Variants in ST18 observed in about 807,000 individuals in gnomAD.
ST18 encodes the protein suppression of tumorigenicity 18 protein.
In ST18, 50 loss-of-function variants were observed where a neutral mutation model predicts 110.0. The observed-to-expected ratio is 0.45, with a 90% CI of 0.36 to 0.58. ST18 has a LOEUF of 0.58. Ranked by LOEUF, ST18 falls within the 20% of genes least tolerant of loss-of-function variation. ST18 has a pLI of 0.00. For synonymous variants in ST18, 461 were observed against 452.4 expected, an observed-to-expected ratio of 1.02 and a Z score of -0.24; for missense variants, 1,306 against 1,280.1, an observed-to-expected ratio of 1.02 and a Z score of -0.31.
intron 2 of ST18, among the ~76,000 whole-genome samples, chr8:52,357,835 A>G (rs1482586696): frequency 1.3e-5 from 2 of 149,970 alleles, no homozygotes; most frequent in Non-Finnish European, 1.5e-5. Context: ...GCCATGAACA[A>G]TAGCATAAGC....
intron 2 of ST18, among the ~76,000 whole-genome samples, chr8:52,238,173 A>G (rs2092941210): frequency 6.6e-6 from 1 of 152,232 alleles, no homozygotes; most frequent in African/African-American, 2.4e-5. Flanking sequence ...ATGGTTAAAC[A>G]TAGAGTTTCT....
chr8:52,223,226 G>A (rs2087672207), intron 3 of ST18, among the ~76,000 whole-genome samples: 1 of 152,040 alleles, frequency 6.6e-6, no homozygotes. Flanking sequence ...TAATGAGTCT[G>A]GTATGTTATT....
intron 2 of ST18, among the ~76,000 whole-genome samples, chr8:52,385,681 G>T (rs1009464527): frequency 7.4e-5 from 11 of 149,096 alleles, no homozygotes; most frequent in Non-Finnish European, 1.3e-4. Flanking sequence ...ACCTCCTGCT[G>T]CCCCAGAGCC....
At chr8:52,209,405 T>C (rs938741363) in intron 8 of ST18, among the ~76,000 whole-genome samples, 2 of 152,184 alleles carry the variant, frequency 1.3e-5, no homozygotes, top group Non-Finnish European at 2.9e-5. Context: ...CTAATAAGGC[T>C]ATCGGGAGGA....
At chr8:52,171,012 G>T (rs1327866590) in intron 10 of ST18, among the ~76,000 whole-genome samples, 4 of 152,034 alleles carry the variant, frequency 2.6e-5, no homozygotes, top group Non-Finnish European at 5.9e-5. Context: ...GAGATACCAA[G>T]AATCACCTGG....
rs2040583634 is a variant in ST18, at chr8:52,111,713, T to C, written c.*1485A>G. On this transcript the variant is annotated 3_prime_UTR_variant, in exon 26 of 26. Transcript: ENST00000689386. ...AAATTAAGCCCACATGAAGTTCATG[T>C]GTACATTTACACAGAGGCACGTCTG... 6.6e-6 allele frequency: 1 copy of C among 152,604 alleles called. No individual in the cohort carries two copies. The highest frequency in any genetic ancestry group is 2.4e-5 in the African/African-American group (1 of 41,442). 9.5% of individuals were successfully genotyped at this position (152,604 alleles called of 1,614,324 possible).
intron 8 of ST18, among the ~76,000 whole-genome samples, chr8:52,196,795 C>A (rs1441934912): frequency 2.0e-5 from 3 of 152,056 alleles, no homozygotes; most frequent in Admixed American, 2.0e-4. Context: ...TTGGAATTAA[C>A]CCTTTAGGAG....
chr8:52,218,939 C>A (rs1314577710), intron 5 of ST18, among the ~76,000 whole-genome samples: 7 of 152,012 alleles, frequency 4.6e-5, no homozygotes, highest in Admixed American at 2.6e-4. Context: ...AACGCTTTAT[C>A]TACAGTGGAT....
intron 8 of ST18, among the ~76,000 whole-genome samples, chr8:52,202,339 C>A (rs1453261864): frequency 6.6e-6 from 1 of 152,074 alleles, no homozygotes; most frequent in Non-Finnish European, 1.5e-5. Context: ...ACGAGGCCTA[C>A]ACTGGTAAAT....
At chr8:52,326,379 C>G (rs1589931815) in intron 2 of ST18, among the ~76,000 whole-genome samples, 1 of 152,080 alleles carries the variant, frequency 6.6e-6, no homozygotes, top group South Asian at 2.1e-4. Flanking sequence ...TAGGCGCCAC[C>G]ATGTAGGAAA....
chr8:52,182,864 C>A (rs1457793996), intron 8 of ST18, among the ~76,000 whole-genome samples: 2 of 151,904 alleles, frequency 1.3e-5, no homozygotes, highest in African/African-American at 4.8e-5. Flanking sequence ...ATCAATGAGA[C>A]CTCAGGTGGC....
intron 23 of ST18, among the ~76,000 whole-genome samples, chr8:52,125,584 C>A (rs1388911208): frequency 6.6e-6 from 1 of 152,086 alleles, no homozygotes; most frequent in Non-Finnish European, 1.5e-5. Context: ...TCCTGGGCTC[C>A]TGGTCTCTAC....
At chr8:52,339,847 C>A (rs527605601) in intron 2 of ST18, among the ~76,000 whole-genome samples, 1 of 152,338 alleles carries the variant, frequency 6.6e-6, no homozygotes, top group African/African-American at 2.4e-5. Flanking sequence ...TCTTTTGACA[C>A]CTTTAATTGC....
At chr8:52,197,124 A>G (rs2076425085) in intron 8 of ST18, among the ~76,000 whole-genome samples, 1 of 152,224 alleles carries the variant, frequency 6.6e-6, no homozygotes, top group Admixed American at 6.5e-5. Flanking sequence ...TCAGTGTTGA[A>G]TGGGGACATT....
At chr8:52,342,162 C>T (rs1815349629) in intron 2 of ST18, among the ~76,000 whole-genome samples, 1 of 152,094 alleles carries the variant, frequency 6.6e-6, no homozygotes, top group African/African-American at 2.4e-5. Context: ...TGATTTAGCC[C>T]TTCCACAATG....
intron 2 of ST18, among the ~76,000 whole-genome samples, chr8:52,265,219 G>A (rs545760033): frequency 2.0e-5 from 3 of 152,312 alleles, no homozygotes; most frequent in African/African-American, 7.2e-5. Flanking sequence ...CAGGAGCCTG[G>A]TATATTTGAA....
chr8:52,148,546 A>T (rs973889517), intron 16 of ST18, among the ~76,000 whole-genome samples: 1 of 152,168 alleles, frequency 6.6e-6, no homozygotes, highest in African/African-American at 2.4e-5. Flanking sequence ...GAGCACATGC[A>T]TGACTGTGGC....
intron 2 of ST18, among the ~76,000 whole-genome samples, chr8:52,378,075 G>A (rs1194992064): frequency 2.0e-5 from 3 of 152,170 alleles, no homozygotes; most frequent in Non-Finnish European, 4.4e-5. Flanking sequence ...AACTCATGGA[G>A]ATAGAGAATA....
At chr8:52,280,675 G>A in intron 2 of ST18, among the ~76,000 whole-genome samples, 1 of 151,908 alleles carries the variant, frequency 6.6e-6, no homozygotes, top group East Asian at 1.9e-4. Context: ...CGTTTATCAG[G>A]AACATATAAC....
Sources: allele counts gnomAD v4.1 joint callset (sites outside exome capture counted in the v4.1 genomes callset), GRCh38; gene constraint gnomAD v4.1.1; transcripts MANE v1.5; gene names NCBI Gene and HGNC (gene_info 2026-07-23, HGNC 2026-07-21).